Variants in ASTN2 observed in about 807,000 individuals in gnomAD.
The protein encoded by ASTN2 is astrotactin 2.
In ASTN2, 54 loss-of-function variants were observed where a neutral mutation model predicts 139.8. That is an observed-to-expected ratio of 0.39 (90% CI 0.31 to 0.48). ASTN2 has a LOEUF of 0.48. ASTN2 is among the 20% of genes least tolerant of loss of function. The pLI, the probability that ASTN2 is intolerant of heterozygous loss-of-function variation, is 0.95. For missense variants in ASTN2, 1,565 were observed against 1,725.1 expected (o/e 0.91, Z 1.64); for synonymous variants, 756 against 719.5 (o/e 1.05, Z -0.81).
At chr9:117,311,567 G>T (rs1425590916) in intron 1 of ASTN2, among the ~76,000 whole-genome samples, 1 of 152,162 alleles carries the variant, frequency 6.6e-6, no homozygotes, top group Admixed American at 6.5e-5. Flanking sequence ...GATGCAGAAA[G>T]TGAGGAGCAG....
chr9:116,681,722 A>G (rs912807071), intron 16 of ASTN2, among the ~76,000 whole-genome samples: 1 of 151,934 alleles, frequency 6.6e-6, no homozygotes. Flanking sequence ...ATAACACCGC[A>G]TATCTACAAC....
At chr9:116,576,572 C>T (rs1418725015) in intron 19 of ASTN2, among the ~76,000 whole-genome samples, 2 of 152,096 alleles carry the variant, frequency 1.3e-5, no homozygotes, top group Admixed American at 6.5e-5. Context: ...GATGCTAGGC[C>T]GGGACAGGAA....
intron 2 of ASTN2, among the ~76,000 whole-genome samples, chr9:117,228,222 GT>G (rs34156207): frequency 0.41 from 62,378 of 151,826 alleles, 13,768 homozygotes; most frequent in East Asian, 0.68. Flanking sequence ...GTATATAGGT[GT>G]TTGTTAAAGA....
chr9:116,885,688 C>T (rs551678439), intron 10 of ASTN2, among the ~76,000 whole-genome samples: 1 of 151,730 alleles, frequency 6.6e-6, no homozygotes, highest in East Asian at 1.9e-4. Flanking sequence ...ACAAAACAAA[C>T]AAACAAAAAA....
At chr9:117,023,798 T>C (rs1837966198) in intron 6 of ASTN2, among the ~76,000 whole-genome samples, 1 of 152,194 alleles carries the variant, frequency 6.6e-6, no homozygotes, top group South Asian at 2.1e-4. Flanking sequence ...AAGGATCTAA[T>C]ATTATATGGA....
intron 2 of ASTN2, among the ~76,000 whole-genome samples, chr9:117,239,972 G>C (rs1265210109): frequency 6.6e-6 from 1 of 152,048 alleles, no homozygotes. Context: ...ACCTACAATG[G>C]GTGTTACATC....
At chr9:117,279,014 A>G (rs1218714949) in intron 2 of ASTN2, among the ~76,000 whole-genome samples, 1 of 152,196 alleles carries the variant, frequency 6.6e-6, no homozygotes. Flanking sequence ...TTTTCACTCT[A>G]TTAAAGGGGT....
chr9:116,541,673 A>G (rs1259670382), intron 19 of ASTN2, among the ~76,000 whole-genome samples: 2 of 152,186 alleles, frequency 1.3e-5, no homozygotes, highest in Admixed American at 1.3e-4. Flanking sequence ...AGACAGAACA[A>G]GGCAAGAGCT....
chr9:116,473,031 G>A (rs1848865883), intron 20 of ASTN2, among the ~76,000 whole-genome samples: 1 of 152,062 alleles, frequency 6.6e-6, no homozygotes, highest in African/African-American at 2.4e-5. Context: ...CTGTAAAATA[G>A]GGATAGTATC....
chr9:116,874,102 G>A (rs1833235066), intron 10 of ASTN2, among the ~76,000 whole-genome samples: 1 of 152,166 alleles, frequency 6.6e-6, no homozygotes. Context: ...GAGAGGACTG[G>A]CAGTGAGTCC....
intron 3 of ASTN2, among the ~76,000 whole-genome samples, chr9:117,169,133 G>C (rs1445255577): frequency 2.0e-5 from 3 of 151,956 alleles, no homozygotes; most frequent in Non-Finnish European, 4.4e-5. Context: ...ATTATAAATA[G>C]AGGTTGCTAA....
intron 11 of ASTN2, among the ~76,000 whole-genome samples, chr9:116,850,677 A>C (rs1832573540): frequency 6.6e-6 from 1 of 151,792 alleles, no homozygotes; most frequent in Admixed American, 6.6e-5. Context: ...TTTCTACCCC[A>C]CCCCCTGCCT....
At chr9:117,241,929 C>T (rs1803375389) in intron 2 of ASTN2, among the ~76,000 whole-genome samples, 1 of 150,716 alleles carries the variant, frequency 6.6e-6, no homozygotes, top group Admixed American at 6.6e-5. Flanking sequence ...AAGTTACCCC[C>T]CCCCACACAC....
At chr9:116,885,475 G>A (rs900870631) in intron 10 of ASTN2, among the ~76,000 whole-genome samples, 1 of 152,174 alleles carries the variant, frequency 6.6e-6, no homozygotes, top group African/African-American at 2.4e-5. Flanking sequence ...AGGCCAGCCT[G>A]GCCAACATGG....
rs185033717 is a variant in ASTN2 at position 116,934,874 on chromosome 9, G to A, written c.1889+40334C>T. ...TCTGTTGATGTTTATATACCCCCCT[G>A]TCCATATACAGTGGCTGTTGTAGAA... On this transcript the variant is annotated intron_variant, in intron 10 of 22. Coordinates refer to ENST00000313400, the MANE Select transcript of ASTN2 (RefSeq NM_001365068.1). Among the ~76,000 whole-genome samples, 93 of 152,270 alleles carry A rather than the reference G, an allele frequency of 6.1e-4. 1 individual carries two copies. In the East Asian group the frequency reaches 0.016, roughly 27 times the overall value.
chr9:116,717,637 C>T (rs1216044747), intron 16 of ASTN2, among the ~76,000 whole-genome samples: 1 of 152,090 alleles, frequency 6.6e-6, no homozygotes, highest in African/African-American at 2.4e-5. Flanking sequence ...GGATTTTTCA[C>T]CTAGGATAAA....
chr9:116,522,820 C>A (rs1850936496), intron 19 of ASTN2, among the ~76,000 whole-genome samples: 1 of 152,046 alleles, frequency 6.6e-6, no homozygotes, highest in Non-Finnish European at 1.5e-5. Context: ...AGCAAGTAAA[C>A]CCTGAGCAAA....
intron 19 of ASTN2, among the ~76,000 whole-genome samples, chr9:116,595,440 C>A (rs1189824502): frequency 6.6e-6 from 1 of 152,252 alleles, no homozygotes; most frequent in East Asian, 1.9e-4. Flanking sequence ...GATTCTCCTG[C>A]CTCAGCCTCC....
chr9:116,845,629 A>G lies in ASTN2; in HGVS notation c.2040+17954T>C, dbSNP rs75320391. ...AAACAGCCAATTGGCACATGAAAAG[A>G]TGACCAAAATGATTAGTGAATCATT... On this transcript the variant is annotated intron_variant, in intron 11 of 22. Coordinates refer to ENST00000313400, the MANE Select transcript of ASTN2 (RefSeq NM_001365068.1). Among the ~76,000 whole-genome samples the G allele has an allele frequency of 9.1e-4, 139 of 152,366 alleles. 2 individuals carry two copies. In the South Asian group the frequency reaches 0.019, roughly 21 times the overall value.
Sources: gnomAD v4.1 joint callset for allele counts (sites outside exome capture counted in the v4.1 genomes callset) on GRCh38, gnomAD v4.1.1 for gene constraint, MANE v1.5 for transcripts, NCBI Gene and HGNC (gene_info 2026-07-23, HGNC 2026-07-21) for gene names.